Variants in CES5A observed in about 807,000 individuals in gnomAD.
CES5A encodes the protein carboxylesterase 5A.
A neutral mutation model predicts 62.9 loss-of-function variants in CES5A; 67 were observed. That is an observed-to-expected ratio of 1.07 (90% CI 0.88 to 1.31). CES5A has a LOEUF of 1.31. Among genes scored for constraint, CES5A ranks in the 50% most tolerant of loss-of-function variants. The probability of loss-of-function intolerance (pLI) is 0.00; values close to 1 mark genes in which losing one functional copy is unlikely to be tolerated. For missense variants in CES5A, 748 were observed against 708.5 expected (o/e 1.06, Z -0.63); for synonymous variants, 296 against 280.8 (o/e 1.05, Z -0.54).
chr16:55,917,819 A>G (rs921221735), intron 1 of CES5A, among the ~76,000 whole-genome samples: 3 of 152,164 alleles, frequency 2.0e-5, no homozygotes, highest in Non-Finnish European at 4.4e-5. Flanking sequence ...CATCTTAAAC[A>G]TACATATAAA....
At chr16:55,870,685 A>G (rs557772504) in intron 3 of CES5A, among the ~76,000 whole-genome samples, 1 of 152,288 alleles carries the variant, frequency 6.6e-6, no homozygotes, top group Non-Finnish European at 1.5e-5. Context: ...GCAACAGAGC[A>G]AGACTCTGTC....
chr16:55,941,444 T>G (rs1175020018), intron 2 of CES5A, among the ~76,000 whole-genome samples: 1 of 151,886 alleles, frequency 6.6e-6, no homozygotes, highest in Non-Finnish European at 1.5e-5. Flanking sequence ...CTATAAGAAA[T>G]GCTTATGAAA....
intron 10 of CES5A, among the ~76,000 whole-genome samples, chr16:55,851,784 C>G (rs1446949156): frequency 6.6e-6 from 1 of 152,084 alleles, no homozygotes; most frequent in Non-Finnish European, 1.5e-5. Flanking sequence ...GTGGAAACAA[C>G]GCAAATGTCC....
intron 1 of CES5A, among the ~76,000 whole-genome samples, chr16:55,917,439 T>C (rs956105032): frequency 7.2e-5 from 11 of 152,252 alleles, no homozygotes; most frequent in African/African-American, 2.7e-4. Context: ...CAGTCTCATC[T>C]GAAGGTGTAA....
intron 1 of CES5A, among the ~76,000 whole-genome samples, chr16:55,901,958 C>G (rs1049294889): frequency 3.9e-5 from 6 of 152,186 alleles, no homozygotes; most frequent in African/African-American, 1.4e-4. Context: ...CATCCTTGTT[C>G]CTTTCAACAG....
Position 55,907,785 on chromosome 16 carries a change from G to A in CES5A, c.-256+17538C>T, listed in dbSNP as rs1242237593. Among the ~76,000 whole-genome samples, 4 of 152,262 alleles carry A rather than the reference G, an allele frequency of 2.6e-5. No homozygotes were observed. The South Asian group carries it at 6.2e-4, about 24-fold the overall frequency. On this transcript the variant is annotated intron_variant, in intron 1 of 12. Transcript: ENST00000518005. The stretch of plus-strand genomic sequence containing the variant: ...GCGAAGAGATGAGCTCGACCTGACA[G>A]GACAAGTCTCCTCACCACCAAGCCC...
intron 2 of CES5A, among the ~76,000 whole-genome samples, chr16:55,934,110 C>T (rs2034342968): frequency 6.6e-6 from 1 of 152,150 alleles, no homozygotes; most frequent in Admixed American, 6.5e-5. Flanking sequence ...CCTTGACTGT[C>T]CTATTTAAAA....
chr16:55,923,841 A>G (rs1368869536), intron 1 of CES5A, among the ~76,000 whole-genome samples: 3 of 151,982 alleles, frequency 2.0e-5, no homozygotes, highest in Non-Finnish European at 2.9e-5. Flanking sequence ...ATAGATGTCA[A>G]AAAAGCATTT....
chr16:55,854,659 G>C (rs568165941), intron 9 of CES5A, among the ~76,000 whole-genome samples: 2 of 146,844 alleles, frequency 1.4e-5, no homozygotes, highest in Non-Finnish European at 3.0e-5. Flanking sequence ...GGCCTCCCAA[G>C]TAGCTGGCAC....
chr16:55,943,343 T>A (rs1432010216), intron 2 of CES5A, among the ~76,000 whole-genome samples: 1 of 152,152 alleles, frequency 6.6e-6, no homozygotes, highest in Admixed American at 6.6e-5. Context: ...AGGGAGCGAC[T>A]CCCAAGGTCA....
intron 1 of CES5A, among the ~76,000 whole-genome samples, chr16:55,905,886 TA>T (rs1205637002): frequency 6.6e-6 from 1 of 152,212 alleles, no homozygotes; most frequent in African/African-American, 2.4e-5. Context: ...AGGATGCTTT[TA>T]TTTTTTTAAT....
chr16:55,871,886 A>T (rs2033597343), intron 2 of CES5A, 123 bp from the exon 3 acceptor site: 4 of 988,664 alleles, frequency 4.0e-6, no homozygotes, highest in Non-Finnish European at 6.0e-6. Context: ...AGAGGCAGCT[A>T]CCGGTACAAA....
chr16:55,866,658 T>TAAAAAACAAAAAAAAAAAAAAAAAAA (rs2033468425), intron 4 of CES5A, among the ~76,000 whole-genome samples: 1 of 82,824 alleles, frequency 1.2e-5, no homozygotes. Context: ...CTGTCTCTGC[T>TAAAAAACAAAAAAAAAAAAAAAAAAA]AAAAAAAAAA....
chr16:55,861,853 C>T (rs6499792), intron 6 of CES5A, among the ~76,000 whole-genome samples: 23,419 of 152,028 alleles, frequency 0.15, 2,156 homozygotes, highest in Middle Eastern at 0.27. Flanking sequence ...GGTATTTTGC[C>T]CCTCTGGAGT....
intron 1 of CES5A, among the ~76,000 whole-genome samples, chr16:55,911,670 A>G (rs1223715976): frequency 6.6e-6 from 1 of 152,130 alleles, no homozygotes; most frequent in African/African-American, 2.4e-5. Context: ...TCTGTTTTTT[A>G]TTCCCATAAA....
At chr16:55,943,807 C>T (rs1377103489) in intron 2 of CES5A, among the ~76,000 whole-genome samples, 2 of 152,162 alleles carry the variant, frequency 1.3e-5, no homozygotes, top group African/African-American at 4.8e-5. Flanking sequence ...AGGGCTTTAA[C>T]CACAGTGTGA....
intron 10 of CES5A, among the ~76,000 whole-genome samples, chr16:55,850,123 C>T (rs2033100615): frequency 6.6e-6 from 1 of 152,198 alleles, no homozygotes; most frequent in Admixed American, 6.5e-5. Flanking sequence ...TTCTTCTATT[C>T]TGGATATGAT....
intron 2 of CES5A, among the ~76,000 whole-genome samples, chr16:55,948,085 T>G (rs999703232): frequency 6.6e-6 from 1 of 151,972 alleles, no homozygotes; most frequent in Non-Finnish European, 1.5e-5. Context: ...AAAGAAAATG[T>G]AAAAGAAGAA....
intron 1 of CES5A, among the ~76,000 whole-genome samples, chr16:55,899,690 C>G (rs114053910): frequency 0.012 from 1,815 of 152,252 alleles, 51 homozygotes; most frequent in African/African-American, 0.041. Flanking sequence ...GGACATTTGG[C>G]AATGTCTGAA....
Sources: gnomAD v4.1 joint callset for allele counts (sites outside exome capture counted in the v4.1 genomes callset) on GRCh38, gnomAD v4.1.1 for gene constraint, MANE v1.5 for transcripts, NCBI Gene and HGNC (gene_info 2026-07-23, HGNC 2026-07-21) for gene names.